Variants in DCTN1 observed in about 807,000 individuals in gnomAD.
DCTN1 encodes the protein dynactin subunit 1.
In DCTN1, 61 loss-of-function variants were observed where a neutral mutation model predicts 161.2. The observed-to-expected ratio is 0.38, with a 90% CI of 0.31 to 0.47. The LOEUF is 0.47. Among genes scored for constraint, DCTN1 ranks in the 20% least tolerant of loss-of-function variants. The pLI is 0.99. For missense variants in DCTN1, 1,404 were observed against 1,623.7 expected (o/e 0.86, Z 2.33); for synonymous variants, 653 against 632.4 (o/e 1.03, Z -0.49).
At chr2:74,379,919 C>T in intron 1 of DCTN1, 86 bp downstream of exon 1, 2 of 1,404,770 alleles carry the variant, frequency 1.4e-6, no homozygotes, top group Non-Finnish European at 2.0e-6. Context: ...CAGCCTATCT[C>T]CCCAGCCCCC....
intron 8 of DCTN1, 70 bp downstream of exon 8, chr2:74,371,467 T>A: frequency 6.8e-7 from 1 of 1,470,606 alleles, no homozygotes; most frequent in East Asian, 2.5e-5. Context: ...CAGGAAATTT[T>A]CAAGACACAG....
chr2:74,366,032 G>C lies in DCTN1; in HGVS notation c.2761-14C>G, dbSNP rs774804530. ...AACCGGTGGAGGCTAAGGAATGGTC[G>C]GTAGGGGGTGAGAAAGTGAGGGTGG... On this transcript the variant is annotated splice_polypyrimidine_tract_variant and intron_variant, in intron 23 of 31. Transcript: ENST00000628224. 1 of 1,614,170 alleles carries C rather than the reference G, an allele frequency of 6.2e-7. No homozygotes were observed.
At chr2:74,386,779 A>G (rs917870488) in intron 1 of DCTN1, 2 of 152,120 alleles carry the variant, frequency 1.3e-5, no homozygotes, top group Non-Finnish European at 2.9e-5. Context: ...CTTTCTTCCA[A>G]CATTCCTCTT....
At chr2:74,389,624 C>T (rs975831813) in intron 1 of DCTN1, among the ~76,000 whole-genome samples, 1 of 152,202 alleles carries the variant, frequency 6.6e-6, no homozygotes, top group African/African-American at 2.4e-5. Context: ...CTTAGTACTG[C>T]CTCCTGCATC....
chr2:74,373,082 CCCCAT>C (rs1674987163), intron 6 of DCTN1, 134 bp from the exon 7 acceptor site: 2 of 782,154 alleles, frequency 2.6e-6, no homozygotes, highest in African/African-American at 1.7e-5. Context: ...CCACCCTCCC[CCCCAT>C]CCCATCCCCT....
intron 20 of DCTN1, 24 bp from the exon 21 acceptor site, chr2:74,366,956 T>C: frequency 6.2e-7 from 1 of 1,614,128 alleles, no homozygotes; most frequent in South Asian, 1.1e-5. Context: ...AGAAAATGGA[T>C]GGAGAACCAA....
chr2:74,378,580 A>G (rs527575699), intron 1 of DCTN1, among the ~76,000 whole-genome samples: 1 of 152,312 alleles, frequency 6.6e-6, no homozygotes, highest in African/African-American at 2.4e-5. Flanking sequence ...AGGAGGGGAA[A>G]TAAGATCAAG....
At chr2:74,366,988 A>T in intron 20 of DCTN1, 56 bp from the exon 21 acceptor site, 1 of 1,614,194 alleles carries the variant, frequency 6.2e-7, no homozygotes, top group Admixed American at 1.7e-5. Context: ...GGCTCGGAGT[A>T]AGGAAGTGAG....
chr2:74,383,862 G>C (rs977209400), upstream of DCTN1: 2 of 152,340 alleles, frequency 1.3e-5, no homozygotes, highest in Admixed American at 6.5e-5. Flanking sequence ...GATTAAATAA[G>C]ATTTAAGTAA....
chr2:74,382,559 C>T (rs1675556520), upstream of DCTN1, among the ~76,000 whole-genome samples: 1 of 149,408 alleles, frequency 6.7e-6, no homozygotes, highest in Non-Finnish European at 1.5e-5. Flanking sequence ...CAAGGTCGCA[C>T]CACTGCACTC....
chr2:74,362,096 C>T lies in DCTN1; in HGVS notation c.3655G>A (p.Val1219Ile), dbSNP rs768691202. The change falls in exon 31 of 32, where the codon GTA becomes ATA. Residue 1219 changes from valine to isoleucine, a missense_variant. By Grantham distance (29) the Val-to-Ile change is conservative. Transcript: ENST00000628224. ...ETVSQRPGAT[V>I]PTDFATFPSS... Reference sequence around the variant, plus strand: ...GGGAAGGTGGCAAAGTCAGTGGGTACTGTGGCTCCAGGGCGCTGAGATACT... The same window carrying T: ...GGGAAGGTGGCAAAGTCAGTGGGTATTGTGGCTCCAGGGCGCTGAGATACT... The T allele has an allele frequency of 6.2e-7, 1 of 1,613,874 alleles. No homozygotes were observed. Among genetic ancestry groups the T allele is most frequent in the South Asian group, 1.1e-5 (1 of 91,076 alleles).
chr2:74,386,573 T>C (rs1218930190), intron 1 of DCTN1: 2 of 152,196 alleles, frequency 1.3e-5, no homozygotes, highest in Non-Finnish European at 2.9e-5. Context: ...GTCTTCCTCT[T>C]TCCTCTTAAC....
At chr2:74,365,849 A>G in intron 24 of DCTN1, 44 bp downstream of exon 24, 3 of 1,613,936 alleles carry the variant, frequency 1.9e-6, no homozygotes, top group Middle Eastern at 3.3e-4. Flanking sequence ...CCTGAGTCCT[A>G]CCAATTTCCT....
At position 74,370,422 on chromosome 2, in the gene DCTN1, G is replaced by A. The variant is rs894233261; in HGVS notation, c.1127+44C>T. ...GGCGATGGGTGCTCTAACACATTTG[G>A]AGACACAAGAGTAAGCATCAGAGGC... On this transcript the variant is annotated intron_variant, in intron 11 of 31. Transcript: ENST00000628224. This position sits in a 1 kb window ranked among gnomAD's most constrained non-coding sequence, Gnocchi z 4.4. 2 of 1,614,092 alleles carry A rather than the reference G, an allele frequency of 1.2e-6. No homozygotes were observed. Among genetic ancestry groups the A allele is most frequent in the South Asian group, 1.1e-5 (1 of 91,040 alleles).
chr2:74,376,782 G>A lies in DCTN1; in HGVS notation c.394-20C>T, dbSNP rs1156641578. ...TCCCCGCTGCATGAGGAGTAGGAAA[G>A]GGCAGAGTTAGAGAACAGATGTCCT... On this transcript the variant is annotated intron_variant, in intron 4 of 31. Transcript: ENST00000628224. 5.6e-6 allele frequency: 9 copies of A among 1,600,624 alleles called. No individual in the cohort carries two copies. The highest frequency in any genetic ancestry group is 7.7e-6 in the Non-Finnish European group (9 of 1,173,490).
chr2:74,371,406 T>A, intron 8 of DCTN1, 131 bp downstream of exon 8: 1 of 1,246,118 alleles, frequency 8.0e-7, no homozygotes, highest in South Asian at 1.4e-5. Context: ...AAGATATCCA[T>A]AGGCTATGTC....
At chr2:74,368,638 A>G in intron 16 of DCTN1, 90 bp downstream of exon 16, 1 of 1,574,630 alleles carries the variant, frequency 6.4e-7, no homozygotes, top group South Asian at 1.1e-5. Context: ...TTGTGGGCAG[A>G]GACTCTGTTG....
At position 74,365,940 on chromosome 2, in the gene DCTN1, C is replaced by A; in HGVS notation, c.2839G>T (p.Asp947Tyr). Residue 947 changes from aspartate (D) to tyrosine (Y), a missense_variant, in exon 24 of 32, where the codon GAT becomes TAT. Transcript: ENST00000628224. ...DAEGLGLKLE[D>Y]RETVIKELKK... The stretch of plus-strand genomic sequence containing the variant: ...AACTCCTTAATAACTGTCTCTCGAT[C>A]TTCGAGCTTCAAACCCAGGCCTTCA... The A allele has an allele frequency of 6.2e-7, 1 of 1,614,256 alleles. No homozygotes were observed. The highest frequency in any genetic ancestry group is 8.5e-7 in the Non-Finnish European group (1 of 1,180,052).
chr2:74,369,384 C>T lies in DCTN1; in HGVS notation c.1500G>A (p.Gln500=), dbSNP rs1573159627. 6.2e-7 allele frequency: 1 copy of T among 1,614,242 alleles called. No homozygotes were observed. The highest frequency in any genetic ancestry group is 8.5e-7 in the Non-Finnish European group (1 of 1,180,054). ...DMAGARVREA[Q]KRVEAAQETV... ...TCTCCTGGGCTGCCTCCACACGCTT[C>T]TGGGCCTCACGAACCCGCGCGCCTG... Residue 500 remains glutamine, a synonymous_variant, in exon 14 of 32, where the codon CAG becomes CAA. Transcript: ENST00000628224. This position sits in a 1 kb window ranked among gnomAD's most constrained non-coding sequence, Gnocchi z 4.9.
Sources: allele counts gnomAD v4.1 joint callset (sites outside exome capture counted in the v4.1 genomes callset), GRCh38; gene constraint gnomAD v4.1.1; non-coding constraint Gnocchi (gnomAD v3.1); transcripts MANE v1.5; gene names NCBI Gene and HGNC (gene_info 2026-07-23, HGNC 2026-07-21).